The following MED28 variants were observed in gnomAD, a reference collection of about 807,000 sequenced individuals.
The protein encoded by MED28 is mediator of RNA polymerase II transcription subunit 28.
Under a neutral mutation model 21.3 loss-of-function variants are expected in MED28, and 26 were observed. The ratio of observed to expected loss-of-function variants is 1.22; its 90% CI spans 0.89 to 1.69. The LOEUF (loss-of-function observed/expected upper bound fraction) is 1.69. Among genes scored for constraint, MED28 ranks in the 40% most tolerant of loss-of-function variants. The probability of loss-of-function intolerance (pLI) is 0.00; values close to 1 mark genes in which losing one functional copy is unlikely to be tolerated. For synonymous variants in MED28, 110 were observed against 87.6 expected (o/e 1.26, Z -1.43); for missense variants, 257 against 215.4 (o/e 1.19, Z -1.21).
In MED28 at chr4:17,632,681, T is replaced by C; in HGVS notation, c.*8883T>C. The C allele has an allele frequency of 8.7e-7, 1 of 1,152,844 alleles. No individual in the cohort carries two copies. The allele number at this position is 1,152,844 out of a possible 1,614,324, so 71.4% of individuals were successfully genotyped here. ...TTTTGAAAACTATGCAAGAAGCAGC[T>C]TAATACCCACCATCTTTTCAGGGAA... is the stretch of plus-strand genomic sequence containing the variant. On this transcript the variant is annotated 3_prime_UTR_variant, in exon 4 of 4. Transcript: ENST00000237380.
intron 2 of MED28, among the ~76,000 whole-genome samples, chr4:17,620,763 C>T (rs1259177202): frequency 6.9e-6 from 1 of 145,368 alleles, no homozygotes; most frequent in African/African-American, 2.6e-5. Context: ...AGTGCAGTGG[C>T]ATGATCTCTG....
In MED28 at chr4:17,623,884, A is replaced by G. The variant is rs1714705321; in HGVS notation, c.*86A>G. The G allele has an allele frequency of 6.9e-7, 1 of 1,440,004 alleles. No individual in the cohort carries two copies. Among genetic ancestry groups the G allele is most frequent in the Non-Finnish European group, 9.5e-7 (1 of 1,056,756 alleles). The allele number at this position is 1,440,004 out of a possible 1,614,324, so 89.2% of individuals were successfully genotyped here. On this transcript the variant is annotated 3_prime_UTR_variant, in exon 4 of 4. Coordinates refer to ENST00000237380, the MANE Select transcript of MED28 (RefSeq NM_025205.5). ...CTTCCTGTGGACTTGACATTTTGGA[A>G]GAACTCTTTGCCAGATAATGAGTTC...
rs1369847383 is a variant in MED28, at chr4:17,628,390, A to G, written c.*4592A>G. The G allele has an allele frequency of 6.6e-6, 1 of 151,688 alleles. No individual in the cohort carries two copies. The highest frequency in any genetic ancestry group is 1.5e-5 in the Non-Finnish European group (1 of 67,960). 9.4% of individuals were successfully genotyped at this position (151,688 alleles called of 1,614,324 possible). On this transcript the variant is annotated 3_prime_UTR_variant, in exon 4 of 4. Transcript: ENST00000237380. ...TATACCTTTATCCCTACTCTAGTCC[A>G]CCTTCCTATAAATAAGATGTATTGA...
At position 17,628,382 on chromosome 4, in the gene MED28, T is replaced by C. The variant is rs538533250; in HGVS notation, c.*4584T>C. 3.3e-5 allele frequency: 5 copies of C among 152,000 alleles called. No homozygotes were observed. Among genetic ancestry groups the C allele is most frequent in the Admixed American group, 1.3e-4 (2 of 15,234 alleles). The allele number at this position is 152,000 out of a possible 1,614,324, so 9.4% of individuals were successfully genotyped here. ...TATGCAATTATACCTTTATCCCTACTCTAGTCCACCTTCCTATAAATAAGA... is the reference window on the plus strand; with the variant it reads ...TATGCAATTATACCTTTATCCCTACCCTAGTCCACCTTCCTATAAATAAGA... On this transcript the variant is annotated 3_prime_UTR_variant, in exon 4 of 4. Coordinates refer to ENST00000237380, the MANE Select transcript of MED28 (RefSeq NM_025205.5).
In MED28 at chr4:17,631,625, C is replaced by T. The variant is rs1314667159; in HGVS notation, c.*7827C>T. On this transcript the variant is annotated 3_prime_UTR_variant, in exon 4 of 4. Transcript: ENST00000237380. The stretch of plus-strand genomic sequence containing the variant: ...TCCAATTCATGTTAATTTATGTTAT[C>T]TTGCTTAATCCTTGCAAAGCCCTTT... 1 of 152,172 alleles carries T rather than the reference C, an allele frequency of 6.6e-6. No individual in the cohort carries two copies. Among genetic ancestry groups the T allele is most frequent in the African/African-American group, 2.4e-5 (1 of 41,422 alleles). 9.4% of individuals were successfully genotyped at this position (152,172 alleles called of 1,614,324 possible).
In MED28 at chr4:17,624,077, G is replaced by T; in HGVS notation, c.*279G>T. ...TATGATGACACAGATTCTTTTTTAT[G>T]GTGGCTTTGCTTGTTTTAAATTTTT... On this transcript the variant is annotated 3_prime_UTR_variant, in exon 4 of 4. Coordinates refer to ENST00000237380, the MANE Select transcript of MED28 (RefSeq NM_025205.5). The T allele has an allele frequency of 1.3e-5, 5 of 393,244 alleles. No individual in the cohort carries two copies. The highest frequency in any genetic ancestry group is 4.6e-5 in the East Asian group (1 of 21,800). 24.4% of individuals were successfully genotyped at this position (393,244 alleles called of 1,614,324 possible). A position where few individuals can be genotyped will look rare whatever the true frequency, so the allele number is the denominator to read the frequency against.
rs902784665 is a variant in MED28 at position 17,633,574 on chromosome 4, C to T, written c.*9776C>T. 1 of 947,458 alleles carries T rather than the reference C, an allele frequency of 1.1e-6. No individual in the cohort carries two copies. Among genetic ancestry groups the T allele is most frequent in the Non-Finnish European group, 1.5e-6 (1 of 666,408 alleles). 58.7% of individuals were successfully genotyped at this position (947,458 alleles called of 1,614,324 possible). Reference sequence around the variant, plus strand: ...AGTGATTCAGTGTCCCTTGTCTAATCATCCATGAAAAAAGGCCTTCTGGAA... The same window carrying T: ...AGTGATTCAGTGTCCCTTGTCTAATTATCCATGAAAAAAGGCCTTCTGGAA... On this transcript the variant is annotated 3_prime_UTR_variant, in exon 4 of 4. Transcript: ENST00000237380.
chr4:17,616,618 T>C (rs916935116), intron 1 of MED28, among the ~76,000 whole-genome samples: 3 of 152,196 alleles, frequency 2.0e-5, no homozygotes, highest in Non-Finnish European at 2.9e-5. Context: ...TGTTTTCTCT[T>C]TGGGCTTCCA....
intron 1 of MED28, among the ~76,000 whole-genome samples, chr4:17,615,859 T>G (rs1714435212): frequency 6.7e-6 from 1 of 150,090 alleles, no homozygotes; most frequent in African/African-American, 2.5e-5. Context: ...ACTTTGTGAC[T>G]TTTGTATTGT....
Position 17,624,700 on chromosome 4 carries a change from G to C in MED28, c.*902G>C, listed in dbSNP as rs1039233053. ...AGGGGAAACATTTTCCGTTAAGGAA[G>C]GTTGTTGCCAGTGGATTTGACTCCA... On this transcript the variant is annotated 3_prime_UTR_variant, in exon 4 of 4. Transcript: ENST00000237380. 3.9e-5 allele frequency: 6 copies of C among 152,038 alleles called. No homozygotes were observed. Among genetic ancestry groups the C allele is most frequent in the African/African-American group, 1.4e-4 (6 of 41,388 alleles). The allele number at this position is 152,038 out of a possible 1,614,324, so 9.4% of individuals were successfully genotyped here. A position where few individuals can be genotyped will look rare whatever the true frequency, so the allele number is the denominator to read the frequency against.
chr4:17,621,309 GC>G (rs1714622715), intron 2 of MED28, among the ~76,000 whole-genome samples: 1 of 152,018 alleles, frequency 6.6e-6, no homozygotes, highest in South Asian at 2.1e-4. Context: ...ACCATGCCCA[GC>G]TGCATTGTCT....
chr4:17,621,538 G>T, intron 2 of MED28, 49 bp from the exon 3 acceptor site: 1 of 1,234,514 alleles, frequency 8.1e-7, no homozygotes. Context: ...GGAGATAAAT[G>T]AGTCTGTTGT....
rs1489274289 is a variant in MED28 at position 17,614,677 on chromosome 4, T to G, written c.23T>G (p.Met8Arg). 6.2e-7 allele frequency: 1 copy of G among 1,612,866 alleles called. No homozygotes were observed. MAAPLGG[M>R]FSGQPPGPPQ... ...AACATGGCGGCTCCACTAGGGGGTA[T>G]GTTTTCTGGGCAGCCACCCGGTCCC... The change falls in exon 1 of 4, where the codon ATG (methionine) becomes AGG (arginine). Residue 8 changes from methionine (M) to arginine (R), a missense_variant. Met to Arg is a moderately conservative substitution (Grantham distance 91, BLOSUM62 -1). Transcript: ENST00000237380.
rs765048246 is a variant in MED28 at position 17,623,576 on chromosome 4, CT to C, written c.340-23del. Reference sequence around the variant, plus strand: ...TGTGTTTTTCCTGCATTTGCTCTGACTTAGTCCATGACTTTCATCTGCAGGA... The same window carrying C: ...TGTGTTTTTCCTGCATTTGCTCTGACTAGTCCATGACTTTCATCTGCAGGA... On this transcript the variant is annotated intron_variant, in intron 3 of 3. Transcript: ENST00000237380. 3.1e-6 allele frequency: 5 copies of C among 1,610,386 alleles called. No individual in the cohort carries two copies. The African/African-American group carries it at 6.7e-5, about 22-fold the overall frequency.
rs751802828 is a variant in MED28, at chr4:17,614,770, C to G, written c.116C>G (p.Pro39Arg). The G allele has an allele frequency of 1.9e-6, 3 of 1,613,954 alleles. No individual in the cohort carries two copies. Among genetic ancestry groups the G allele is most frequent in the Non-Finnish European group, 2.5e-6 (3 of 1,179,912 alleles). The change falls in exon 1 of 4, where the codon CCT becomes CGT. Residue 39 changes from proline (P) to arginine (R), a missense_variant. Pro to Arg is a moderately radical substitution (Grantham distance 103). Coordinates refer to ENST00000237380, the MANE Select transcript of MED28 (RefSeq NM_025205.5). ...CAGGCAGCTCCAGGCGCTCCTAGAC[C>G]TTCCAGCAGTACTTTGGTGGACGAG... Reference protein sequence around the residue: ...LLQAAPGAPRPSSSTLVDELE... With the variant: ...LLQAAPGAPRRSSSTLVDELE...
At chr4:17,620,123 T>G in intron 2 of MED28, 156 bp downstream of exon 2, 1 of 668,448 alleles carries the variant, frequency 1.5e-6, no homozygotes, top group South Asian at 1.8e-5. Flanking sequence ...TGCTGATTTT[T>G]GGTTCAGTTT....
chr4:17,631,207 GATATAT>G lies in MED28; in HGVS notation c.*7418_*7423del, dbSNP rs113202971. Reference sequence around the variant, plus strand: ...AAACCCAAAGACCAGAGGTTCAGGGGATATATATATATATTTTTTTAATCTGTAGAG... The same window carrying G: ...AAACCCAAAGACCAGAGGTTCAGGGGATATATATTTTTTTAATCTGTAGAG... On this transcript the variant is annotated 3_prime_UTR_variant, in exon 4 of 4. Transcript: ENST00000237380. The G allele has an allele frequency of 2.0e-5, 3 of 151,712 alleles. No homozygotes were observed. Among genetic ancestry groups the G allele is most frequent in the South Asian group, 2.1e-4 (1 of 4,822 alleles). 9.4% of individuals were successfully genotyped at this position (151,712 alleles called of 1,614,324 possible).
At position 17,623,895 on chromosome 4, in the gene MED28, C is replaced by G; in HGVS notation, c.*97C>G. 7.5e-7 allele frequency: 1 copy of G among 1,337,918 alleles called. No individual in the cohort carries two copies. Among genetic ancestry groups the G allele is most frequent in the Non-Finnish European group, 1.0e-6 (1 of 973,148 alleles). 82.9% of individuals were successfully genotyped at this position (1,337,918 alleles called of 1,614,324 possible). A position where few individuals can be genotyped will look rare whatever the true frequency, so the allele number is the denominator to read the frequency against. ...CTTGACATTTTGGAAGAACTCTTTGCCAGATAATGAGTTCATTTTAGTTTT... is the reference window on the plus strand; with the variant it reads ...CTTGACATTTTGGAAGAACTCTTTGGCAGATAATGAGTTCATTTTAGTTTT... On this transcript the variant is annotated 3_prime_UTR_variant, in exon 4 of 4. Coordinates refer to ENST00000237380, the MANE Select transcript of MED28 (RefSeq NM_025205.5).
chr4:17,621,015 T>C (rs1714611298), intron 2 of MED28, among the ~76,000 whole-genome samples: 1 of 98,624 alleles, frequency 1.0e-5, no homozygotes, highest in South Asian at 3.2e-4. Context: ...GCCTCTGCCT[T>C]GTGTTTTTTT....
Sources: gnomAD v4.1 joint callset for allele counts (sites outside exome capture counted in the v4.1 genomes callset) on GRCh38, gnomAD v4.1.1 for gene constraint, MANE v1.5 for transcripts, NCBI Gene and HGNC (gene_info 2026-07-23, HGNC 2026-07-21) for gene names.